Variants in ACTR3C observed in about 807,000 individuals in gnomAD.
ACTR3C encodes actin-related protein 3C.
A neutral mutation model predicts 26.3 loss-of-function variants in ACTR3C; 18 were observed. The observed-to-expected ratio is 0.68, with a 90% CI of 0.47 to 1.01. The LOEUF (loss-of-function observed/expected upper bound fraction) is 1.01. ACTR3C is among the 50% of genes least tolerant of loss of function. The pLI is 0.00. For synonymous variants in ACTR3C, 55 were observed against 94.5 expected (o/e 0.58, Z 2.42); for missense variants, 184 against 250.7 (o/e 0.73, Z 1.80).
At chr7:150,285,676 T>C (rs1835722802) in intron 5 of ACTR3C, among the ~76,000 whole-genome samples, 1 of 152,160 alleles carries the variant, frequency 6.6e-6, no homozygotes. Context: ...TATACACATC[T>C]AAAAACAAAC....
At chr7:149,903,499 T>C in the ACTR3C span, among the ~76,000 whole-genome samples, 1 of 150,332 alleles carries the variant, frequency 6.7e-6, no homozygotes, top group Non-Finnish European at 1.5e-5. Context: ...AACTTAAAGG[T>C]ACCTAAAAAT....
At chr7:150,115,713 T>C in the ACTR3C span, among the ~76,000 whole-genome samples, 93 of 152,350 alleles carry the variant, frequency 6.1e-4, no homozygotes, top group Middle Eastern at 3.4e-3. Context: ...GGCAAATAGG[T>C]ACAGTACTCA....
chr7:150,301,233 A>G (rs548649511), intron 1 of ACTR3C, among the ~76,000 whole-genome samples: 36 of 152,348 alleles, frequency 2.4e-4, no homozygotes, highest in African/African-American at 7.2e-4. Context: ...AAATATTTAA[A>G]CTGAGTAGAG....
At chr7:150,125,814 G>A in the ACTR3C span, among the ~76,000 whole-genome samples, 13 of 152,284 alleles carry the variant, frequency 8.5e-5, no homozygotes, top group Non-Finnish European at 1.8e-4. Flanking sequence ...AACAGGATTC[G>A]AACCCTTAGC....
the ACTR3C span, among the ~76,000 whole-genome samples, chr7:150,096,394 G>A: frequency 6.6e-6 from 1 of 151,312 alleles, no homozygotes; most frequent in African/African-American, 2.5e-5. Flanking sequence ...AATAGCAGGT[G>A]CTTCTCCTCC....
At chr7:150,130,835 C>T in the ACTR3C span, among the ~76,000 whole-genome samples, 8 of 152,130 alleles carry the variant, frequency 5.3e-5, no homozygotes, top group African/African-American at 1.9e-4. Context: ...CATGCAACGA[C>T]ACGGATGAAT....
the ACTR3C span, among the ~76,000 whole-genome samples, chr7:149,984,694 G>T: frequency 2.0e-5 from 3 of 151,928 alleles, no homozygotes; most frequent in African/African-American, 7.3e-5. Context: ...CATAACAGGT[G>T]ATATGATATC....
chr7:150,220,673 G>C, the ACTR3C span, among the ~76,000 whole-genome samples: 8 of 152,192 alleles, frequency 5.3e-5, no homozygotes, highest in African/African-American at 1.4e-4. Context: ...GGAGAGCCAG[G>C]GGGACGCAGG....
At chr7:150,190,874 G>A in the ACTR3C span, among the ~76,000 whole-genome samples, 2 of 152,068 alleles carry the variant, frequency 1.3e-5, no homozygotes, top group African/African-American at 4.8e-5. Context: ...TTCATGTGAC[G>A]GCAGCAAGGA....
chr7:150,161,202 T>TTA, the ACTR3C span, among the ~76,000 whole-genome samples: 1,519 of 102,946 alleles, frequency 0.015, 118 homozygotes, highest in Middle Eastern at 0.021. Flanking sequence ...AGGAAAGTAT[T>TTA]TATATATATA....
chr7:150,044,845 TG>T, the ACTR3C span: 1 of 152,236 alleles, frequency 6.6e-6, no homozygotes, highest in Non-Finnish European at 1.5e-5. Context: ...TTCTGTACCT[TG>T]GAACAGTCTT....
chr7:149,957,119 T>C, the ACTR3C span, among the ~76,000 whole-genome samples: 2 of 152,336 alleles, frequency 1.3e-5, no homozygotes, highest in South Asian at 4.1e-4. Context: ...CATGGAATCA[T>C]GGGCATGAAG....
chr7:149,882,605 G>A, the ACTR3C span, among the ~76,000 whole-genome samples: 1 of 152,224 alleles, frequency 6.6e-6, no homozygotes, highest in Non-Finnish European at 1.5e-5. Context: ...TGAGGACCGT[G>A]TTCCTCCCAG....
the ACTR3C span, chr7:150,047,927 AC>A: frequency 7.9e-7 from 1 of 1,262,450 alleles, no homozygotes; most frequent in Non-Finnish European, 1.0e-6. Context: ...CCCACTCCCC[AC>A]CCCGCTCCAG....
chr7:150,143,570 C>T, the ACTR3C span, among the ~76,000 whole-genome samples: 702 of 152,332 alleles, frequency 4.6e-3, 4 homozygotes, highest in African/African-American at 0.016. Flanking sequence ...GACAACCCCT[C>T]ACACCCTGAG....
intron 1 of ACTR3C, among the ~76,000 whole-genome samples, chr7:150,306,704 G>A (rs977688857): frequency 1.3e-5 from 2 of 152,170 alleles, no homozygotes; most frequent in African/African-American, 4.8e-5. Context: ...GCAATACCTC[G>A]CCAAGGTGAA....
At chr7:150,305,102 T>C (rs1795709447) in intron 1 of ACTR3C, among the ~76,000 whole-genome samples, 1 of 152,084 alleles carries the variant, frequency 6.6e-6, no homozygotes, top group Non-Finnish European at 1.5e-5. Context: ...CAATGTGTGC[T>C]TCCACACACC....
chr7:150,031,008 AC>A, the ACTR3C span, among the ~76,000 whole-genome samples: 1 of 152,060 alleles, frequency 6.6e-6, no homozygotes, highest in Non-Finnish European at 1.5e-5. Context: ...TGTAATCCCA[AC>A]ACTTTGGGAG....
At chr7:150,128,601 C>T in the ACTR3C span, among the ~76,000 whole-genome samples, 104 of 151,652 alleles carry the variant, frequency 6.9e-4, no homozygotes, top group Non-Finnish European at 9.6e-4. Flanking sequence ...TAGGGCTTGC[C>T]ATTTCTGTCC....
Sources: gnomAD v4.1 joint callset for allele counts (sites outside exome capture counted in the v4.1 genomes callset) on GRCh38, gnomAD v4.1.1 for gene constraint, MANE v1.5 for transcripts, NCBI Gene and HGNC (gene_info 2026-07-23, HGNC 2026-07-21) for gene names.